The following ROBO2 variants were observed in gnomAD, a reference collection of about 807,000 sequenced individuals.
ROBO2 encodes the protein roundabout homolog 2.
Under a neutral mutation model 160.8 loss-of-function variants are expected in ROBO2, and 53 were observed. The ratio of observed to expected loss-of-function variants is 0.33; its 90% CI spans 0.26 to 0.41. The LOEUF (loss-of-function observed/expected upper bound fraction) is 0.41, where lower values mean the gene tolerates loss of function less well. Ranked by LOEUF, ROBO2 falls within the 10% of genes least tolerant of loss-of-function variation. The pLI, the probability that ROBO2 is intolerant of heterozygous loss-of-function variation, is 1.00. For synonymous variants in ROBO2, 664 were observed against 611.7 expected, an observed-to-expected ratio of 1.09 and a Z score of -1.26; for missense variants, 1,577 against 1,722.4, an observed-to-expected ratio of 0.92 and a Z score of 1.49.
rs909502450 is a variant in ROBO2 at position 76,346,233 on chromosome 3, A to G, written c.109+408631A>G. On this transcript the variant is annotated intron_variant, in intron 2 of 26. Transcript: ENST00000487694. ...AAGTTACTAGTACTAACAGTTTTTT[A>G]TAGTCCATTAAGAGAATTTTTTTTT... Among the ~76,000 whole-genome samples, 6 of 151,836 alleles carry G rather than the reference A, an allele frequency of 4.0e-5. No individual in the cohort carries two copies. The East Asian group carries it at 1.2e-3, about 29-fold the overall frequency.
At chr3:76,487,397 AT>A (rs1168042824) in intron 2 of ROBO2, among the ~76,000 whole-genome samples, 1 of 152,160 alleles carries the variant, frequency 6.6e-6, no homozygotes, top group Non-Finnish European at 1.5e-5. Flanking sequence ...ATGTAAAAAA[AT>A]GGAACCAATA....
chr3:77,056,783 C>T (rs1055674735), intron 1 of ROBO2, among the ~76,000 whole-genome samples: 2 of 151,842 alleles, frequency 1.3e-5, no homozygotes, highest in African/African-American at 4.8e-5. Flanking sequence ...TGTCGTAATC[C>T]AGGGAAGATG....
intron 1 of ROBO2, among the ~76,000 whole-genome samples, chr3:77,051,498 T>C (rs573301756): frequency 1.3e-5 from 2 of 152,332 alleles, no homozygotes; most frequent in Admixed American, 1.3e-4. Flanking sequence ...CCTGTGATGT[T>C]CATCACTTGG....
intron 2 of ROBO2, among the ~76,000 whole-genome samples, chr3:76,034,107 G>C (rs1302106729): frequency 1.3e-5 from 2 of 152,160 alleles, no homozygotes; most frequent in Non-Finnish European, 2.9e-5. Flanking sequence ...CATGAGCATT[G>C]GTGGGCAGTT....
intron 2 of ROBO2, among the ~76,000 whole-genome samples, chr3:77,352,107 A>AT (rs1407593458): frequency 3.3e-5 from 4 of 121,448 alleles, no homozygotes; most frequent in Non-Finnish European, 5.6e-5. Flanking sequence ...TAATAATAAA[A>AT]TTAAAAAAAA....
intron 2 of ROBO2, among the ~76,000 whole-genome samples, chr3:76,209,569 C>T (rs563664174): frequency 5.3e-5 from 8 of 152,120 alleles, no homozygotes; most frequent in East Asian, 3.9e-4. Context: ...ACTTCATAGG[C>T]GGGGCAAGAC....
At chr3:76,330,643 G>A (rs1022014592) in intron 2 of ROBO2, among the ~76,000 whole-genome samples, 1 of 152,170 alleles carries the variant, frequency 6.6e-6, no homozygotes, top group African/African-American at 2.4e-5. Flanking sequence ...AGAGCAATTT[G>A]TGCAAGAAAC....
At chr3:77,513,690 A>C (rs868720542) in intron 5 of ROBO2, among the ~76,000 whole-genome samples, 10 of 151,780 alleles carry the variant, frequency 6.6e-5, no homozygotes, top group South Asian at 6.2e-4. Context: ...TGATTTTGAC[A>C]CAATTCAGTT....
intron 2 of ROBO2, among the ~76,000 whole-genome samples, chr3:76,619,962 T>G (rs113671628): frequency 6.6e-5 from 10 of 152,104 alleles, no homozygotes; most frequent in Non-Finnish European, 1.0e-4. Flanking sequence ...AAAATAATTA[T>G]AATAATTAAC....
intron 2 of ROBO2, among the ~76,000 whole-genome samples, chr3:76,624,085 C>G (rs1241439912): frequency 6.6e-6 from 1 of 151,956 alleles, no homozygotes; most frequent in African/African-American, 2.4e-5. Context: ...CGATTATGTT[C>G]TCACCTGAAG....
chr3:76,254,193 G>T (rs1216014543), intron 2 of ROBO2, among the ~76,000 whole-genome samples: 2 of 151,994 alleles, frequency 1.3e-5, no homozygotes, highest in Non-Finnish European at 2.9e-5. Flanking sequence ...GCAAGATCTG[G>T]TAGACACTTT....
intron 2 of ROBO2, among the ~76,000 whole-genome samples, chr3:77,446,216 T>A (rs2080490460): frequency 6.6e-6 from 1 of 152,008 alleles, no homozygotes; most frequent in African/African-American, 2.4e-5. Context: ...TGTCAAAGAT[T>A]CACTTACTAA....
At chr3:76,175,482 C>G (rs553097426) in intron 2 of ROBO2, among the ~76,000 whole-genome samples, 3 of 151,914 alleles carry the variant, frequency 2.0e-5, no homozygotes, top group Non-Finnish European at 2.9e-5. Flanking sequence ...AAATTTATAA[C>G]GCATTTTCTC....
intron 2 of ROBO2, among the ~76,000 whole-genome samples, chr3:77,299,023 AG>A (rs1276942885): frequency 6.6e-6 from 1 of 152,180 alleles, no homozygotes; most frequent in Admixed American, 6.5e-5. Flanking sequence ...TTCATGAAAA[AG>A]GTAGAATTTA....
At chr3:77,011,732 A>G (rs1441126942) in intron 2 of ROBO2, among the ~76,000 whole-genome samples, 2 of 152,006 alleles carry the variant, frequency 1.3e-5, no homozygotes, top group African/African-American at 2.4e-5. Flanking sequence ...GTTTTCTTTA[A>G]ACTTTGCATG....
intron 2 of ROBO2, among the ~76,000 whole-genome samples, chr3:76,878,021 C>T (rs2072937051): frequency 6.6e-6 from 1 of 152,138 alleles, no homozygotes; most frequent in South Asian, 2.1e-4. Flanking sequence ...GACCATTCAA[C>T]CTTTAATTAC....
At chr3:77,201,651 T>A (rs2082923102) in intron 2 of ROBO2, among the ~76,000 whole-genome samples, 1 of 152,224 alleles carries the variant, frequency 6.6e-6, no homozygotes, top group African/African-American at 2.4e-5. Context: ...GTATGTGACA[T>A]TGCAATAGGG....
intron 2 of ROBO2, among the ~76,000 whole-genome samples, chr3:77,237,419 G>GTA (rs2088218965): frequency 1.4e-5 from 2 of 142,006 alleles, no homozygotes; most frequent in African/African-American, 5.1e-5. Flanking sequence ...TTTTGTGTGT[G>GTA]TGTGTGTGTG....
At chr3:77,068,962 C>T (rs1055451807) in intron 1 of ROBO2, among the ~76,000 whole-genome samples, 6 of 151,994 alleles carry the variant, frequency 3.9e-5, no homozygotes, top group Non-Finnish European at 7.4e-5. Context: ...AATTTTTATT[C>T]GGTTGAATTT....
Sources: allele counts gnomAD v4.1 joint callset (sites outside exome capture counted in the v4.1 genomes callset), GRCh38; gene constraint gnomAD v4.1.1; transcripts MANE v1.5; gene names NCBI Gene and HGNC (gene_info 2026-07-23, HGNC 2026-07-21).